Variants in PCDHGA3 observed in about 807,000 individuals in gnomAD.
PCDHGA3 encodes the protein protocadherin gamma subfamily A, 3, also known as protocadherin gamma-A3.
PCDHGA3 carries 40 observed loss-of-function variants against 58.5 expected under a neutral mutation model. That is an observed-to-expected ratio of 0.68 (90% CI 0.53 to 0.89). The LOEUF is 0.89. Among genes scored for constraint, PCDHGA3 ranks in the 40% least tolerant of loss-of-function variants. The pLI, the probability that PCDHGA3 is intolerant of heterozygous loss-of-function variation, is 0.00. For missense variants in PCDHGA3, 1,223 were observed against 1,195.9 expected (o/e 1.02, Z -0.33); for synonymous variants, 530 against 525.7 (o/e 1.01, Z -0.11).
At chr5:141,372,941 G>T in intron 1 of PCDHGA3, 1 of 810,408 alleles carries the variant, frequency 1.2e-6, no homozygotes, top group Non-Finnish European at 1.9e-6. Context: ...AGAGTAGGGT[G>T]TCTAGGAAAT....
intron 2 of PCDHGA3, among the ~76,000 whole-genome samples, chr5:141,500,001 A>G (rs961582279): frequency 6.6e-5 from 10 of 151,914 alleles, no homozygotes; most frequent in African/African-American, 2.4e-4. Context: ...TGATTCTTTC[A>G]TAAGGTCCAC....
chr5:141,366,931 G>GA, intron 1 of PCDHGA3: 2 of 939,892 alleles, frequency 2.1e-6, no homozygotes, highest in Non-Finnish European at 3.0e-6. Context: ...TCTGTTTTGG[G>GA]AAGTCTAGCT....
chr5:141,425,394 G>C (rs186813737), intron 1 of PCDHGA3, among the ~76,000 whole-genome samples: 2 of 152,184 alleles, frequency 1.3e-5, no homozygotes, highest in Non-Finnish European at 2.9e-5. Context: ...TAGTGATAAA[G>C]TTCTGTTAAG....
chr5:141,364,094 A>C (rs4151697), intron 1 of PCDHGA3: 1 of 397,748 alleles, frequency 2.5e-6, no homozygotes, highest in Non-Finnish European at 4.4e-6. Flanking sequence ...ATGGAATTTG[A>C]TGCAGTCACT....
intron 1 of PCDHGA3, among the ~76,000 whole-genome samples, chr5:141,381,220 G>C (rs912985270): frequency 6.6e-6 from 1 of 152,190 alleles, no homozygotes; most frequent in African/African-American, 2.4e-5. Context: ...TCTCCTCCTG[G>C]TTCCACCAAC....
At position 141,360,986 on chromosome 5, in the gene PCDHGA3, T is replaced by C. The variant is rs540455461; in HGVS notation, c.2424+14529T>C. 1.9e-6 allele frequency: 3 copies of C among 1,613,732 alleles called. No homozygotes were observed. In the South Asian group the frequency reaches 3.3e-5, roughly 18 times the overall value. On this transcript the variant is annotated intron_variant, in intron 1 of 3. Transcript: ENST00000253812. ...GAGATCACCTACTCCTTTCATAATG[T>C]GGACGAACAAGTGAAACACTTTTTC... is the stretch of plus-strand genomic sequence containing the variant.
At chr5:141,354,565 G>A (rs942106227) in intron 1 of PCDHGA3, among the ~76,000 whole-genome samples, 2 of 152,192 alleles carry the variant, frequency 1.3e-5, no homozygotes, top group African/African-American at 2.4e-5. Context: ...GAGGAAACTT[G>A]TTACTGCATA....
At position 141,357,645 on chromosome 5, in the gene PCDHGA3, A is replaced by G. The variant is rs374651812; in HGVS notation, c.2424+11188A>G. 1.9e-6 allele frequency: 3 copies of G among 1,610,840 alleles called. 1 individual carries two copies. The highest frequency in any genetic ancestry group is 2.2e-5 in the South Asian group (2 of 90,876). ...AGGTGAGTCAATCTTATAATAGATC[A>G]TACCACACTGAAATATAGACAAAGA... On this transcript the variant is annotated intron_variant, in intron 1 of 3. Coordinates refer to ENST00000253812, the MANE Select transcript of PCDHGA3 (RefSeq NM_018916.4).
Position 141,490,012 on chromosome 5 carries a change from G to A in PCDHGA3, c.2425-4795G>A. 1 of 1,614,232 alleles carries A rather than the reference G, an allele frequency of 6.2e-7. No homozygotes were observed. Among genetic ancestry groups the A allele is most frequent in the Non-Finnish European group, 8.5e-7 (1 of 1,180,044 alleles). ...GGGAATCCCAGAGAATGCACCCATT[G>A]GTACTCTGCTGCTCCGCCTCAATGC... is the stretch of plus-strand genomic sequence containing the variant. On this transcript the variant is annotated intron_variant, in intron 1 of 3. Transcript: ENST00000253812. This position sits in a 1 kb window ranked among gnomAD's most constrained non-coding sequence, Gnocchi z 5.4.
Position 141,364,604 on chromosome 5 carries a change from C to G in PCDHGA3, c.2424+18147C>G, listed in dbSNP as rs370007558. On this transcript the variant is annotated intron_variant, in intron 1 of 3. Transcript: ENST00000253812. ...CTTGGTCACCGCGGGCAGGATAGAC[C>G]GGGAGGAGCTCTGCGCTCAGAGCCC... 4.1e-5 allele frequency: 66 copies of G among 1,614,044 alleles called. No individual in the cohort carries two copies. Among genetic ancestry groups the G allele is most frequent in the Non-Finnish European group, 5.3e-5 (63 of 1,180,004 alleles).
At chr5:141,395,379 C>A in intron 1 of PCDHGA3, 1 of 1,139,610 alleles carries the variant, frequency 8.8e-7, no homozygotes, top group Non-Finnish European at 1.2e-6. Flanking sequence ...GGTGGTGTTA[C>A]TATAAAATTG....
Position 141,511,229 on chromosome 5 carries a change from T to G in PCDHGA3, c.*56T>G. 6.3e-7 allele frequency: 1 copy of G among 1,598,500 alleles called. No homozygotes were observed. Among genetic ancestry groups the G allele is most frequent in the Non-Finnish European group, 8.5e-7 (1 of 1,172,476 alleles). On this transcript the variant is annotated 3_prime_UTR_variant, in exon 4 of 4. Transcript: ENST00000253812. ...GCCTCTCCCCAACCAGCCCAGCTTC[T>G]CCTTACCTGCACCCAGGCCTCAGAG...
intron 1 of PCDHGA3, chr5:141,420,219 T>C: frequency 6.2e-7 from 1 of 1,607,100 alleles, no homozygotes. Flanking sequence ...GATAGCATGC[T>C]ACTGGCTAGC....
Position 141,346,215 on chromosome 5 carries a change from T to G in PCDHGA3, c.2182T>G (p.Ser728Ala). The G allele has an allele frequency of 6.2e-7, 1 of 1,614,154 alleles. No individual in the cohort carries two copies. The highest frequency in any genetic ancestry group is 8.5e-7 in the Non-Finnish European group (1 of 1,180,034). Reference protein sequence around the residue: ...RWHKSRLLQASGGGLASTPGS... With the variant: ...RWHKSRLLQAAGGGLASTPGS... Reference sequence around the variant, plus strand: ...GCACAAGTCACGCCTGCTGCAGGCTTCGGGAGGCGGCTTGGCGAGTACGCC... The same window carrying G: ...GCACAAGTCACGCCTGCTGCAGGCTGCGGGAGGCGGCTTGGCGAGTACGCC... The change falls in exon 1 of 4, where the codon TCG becomes GCG. Residue 728 changes from serine (S) to alanine (A), a missense_variant. Ser to Ala is a moderately conservative substitution (Grantham distance 99). Around this residue, in one of 3 missense-constraint regions of PCDHGA3, gnomAD observed 325 missense variants for 327.5 expected, o/e 0.99. Transcript: ENST00000253812.
At chr5:141,360,150 A>G (rs1761441721) in intron 1 of PCDHGA3, 2 of 1,602,638 alleles carry the variant, frequency 1.2e-6, no homozygotes, top group Admixed American at 3.4e-5. Flanking sequence ...AAGCGAGCTC[A>G]GGGAGGTGCG....
chr5:141,389,487 C>T (rs997165354), intron 1 of PCDHGA3: 2 of 1,612,906 alleles, frequency 1.2e-6, no homozygotes, highest in African/African-American at 1.3e-5. Context: ...GGCCCGCGAC[C>T]AGGGCTCGCC....
At position 141,423,255 on chromosome 5, in the gene PCDHGA3, C is replaced by T. The variant is rs368969800; in HGVS notation, c.2425-71552C>T. ...GCATCCCCGAAGTCCTGGCGGACCT[C>T]GGCAGCCTCGAGTCTCTGGCTAACT... On this transcript the variant is annotated intron_variant, in intron 1 of 3. Transcript: ENST00000253812. 2.0e-5 allele frequency: 33 copies of T among 1,613,930 alleles called. No homozygotes were observed. In the East Asian group the frequency reaches 3.8e-4, roughly 19 times the overall value.
chr5:141,372,531 C>T (rs767186429), intron 1 of PCDHGA3: 1 of 1,614,032 alleles, frequency 6.2e-7, no homozygotes, highest in South Asian at 1.1e-5. Context: ...GGCAATCTCC[C>T]TGCGCCTGCG....
In PCDHGA3 at chr5:141,491,925, G is replaced by A. The variant is rs1019181943; in HGVS notation, c.2425-2882G>A. 5 of 1,325,176 alleles carry A rather than the reference G, an allele frequency of 3.8e-6. No homozygotes were observed. In the Admixed American group the frequency reaches 1.5e-4, roughly 39 times the overall value. 82.1% of individuals were successfully genotyped at this position (1,325,176 alleles called of 1,614,324 possible). A position where few individuals can be genotyped will look rare whatever the true frequency, so the allele number is the denominator to read the frequency against. On this transcript the variant is annotated intron_variant, in intron 1 of 3. Coordinates refer to ENST00000253812, the MANE Select transcript of PCDHGA3 (RefSeq NM_018916.4). The surrounding 1 kb of genome is among the most constrained non-coding windows in gnomAD (Gnocchi z 6.9). ...GGGTGGTGGCGACTGTGGGCGAGGG[G>A]AGGTGGGACCGACCCCCACCCCTAC...
Sources: allele counts gnomAD v4.1 joint callset (sites outside exome capture counted in the v4.1 genomes callset), GRCh38; gene constraint gnomAD v4.1.1; regional missense constraint gnomAD v4.1.1; non-coding constraint Gnocchi (gnomAD v3.1); transcripts MANE v1.5; gene names NCBI Gene and HGNC (gene_info 2026-07-23, HGNC 2026-07-21).